DNAH14: variants seen among roughly 807,000 people sequenced by gnomAD.
DNAH14 encodes the protein axonemal beta dynein heavy chain 14.
In DNAH14, 478 loss-of-function variants were observed where a neutral mutation model predicts 520.9. That is an observed-to-expected ratio of 0.92 (90% CI 0.85 to 0.99). The LOEUF is 0.99. Among genes scored for constraint, DNAH14 ranks in the 50% least tolerant of loss-of-function variants. The pLI is 0.00. For missense variants in DNAH14, 4,831 were observed against 5,234.5 expected (o/e 0.92, Z 2.38); for synonymous variants, 1,581 against 1,757.2 (o/e 0.90, Z 2.51).
At chr1:225,344,706 T>TATTTA (rs2095260060) in intron 69 of DNAH14, among the ~76,000 whole-genome samples, 1 of 150,892 alleles carries the variant, frequency 6.6e-6, no homozygotes, top group East Asian at 1.9e-4. Flanking sequence ...TTTATTTATT[T>TATTTA]ATTTATTTAT....
At chr1:225,359,338 T>C (rs2095468204) in intron 74 of DNAH14, among the ~76,000 whole-genome samples, 1 of 152,208 alleles carries the variant, frequency 6.6e-6, no homozygotes, top group Non-Finnish European at 1.5e-5. Flanking sequence ...TATGTCTATG[T>C]CTATGCACGT....
chr1:224,957,533 A>G (rs2060591347), intron 3 of DNAH14, among the ~76,000 whole-genome samples: 1 of 152,130 alleles, frequency 6.6e-6, no homozygotes. Context: ...AACAGTAGCA[A>G]TTACGAGCCA....
chr1:225,086,194 G>A (rs2073769044), intron 21 of DNAH14, among the ~76,000 whole-genome samples: 1 of 151,800 alleles, frequency 6.6e-6, no homozygotes, highest in Admixed American at 6.6e-5. Context: ...GTGCAGTGGT[G>A]CTGTCTCGGC....
At position 225,307,466 on chromosome 1, in the gene DNAH14, G is replaced by A. The variant is rs112172758; in HGVS notation, c.9011G>A (p.Arg3004His). Residue 3004 changes from arginine (R) to histidine (H), a missense_variant, in exon 59 of 86, where the codon CGC (arginine) becomes CAC (histidine). Coordinates refer to ENST00000682510, the MANE Select transcript of DNAH14 (RefSeq NM_001367479.1). ...REEEMQTKRD[R>H]FHMGLSTILE... ...AATACTTTTTCTTCCTTCAGGGATC[G>A]CTTCCATATGGGTCTATCCACAATC... 72,136 of 1,529,014 alleles carry A rather than the reference G, an allele frequency of 0.047. 1,940 individuals are homozygous for A. Among genetic ancestry groups the A allele is most frequent in the South Asian group, 0.057 (4,492 of 79,002 alleles). 94.7% of individuals were successfully genotyped at this position (1,529,014 alleles called of 1,614,324 possible). A position where few individuals can be genotyped will look rare whatever the true frequency, so the allele number is the denominator to read the frequency against.
chr1:225,377,345 A>G lies in DNAH14; in HGVS notation c.12625A>G (p.Ile4209Val). ...GGTCTTAGGAATACACCCAGAGGCC[A>G]TCAGGAGCTGCTGGGAGACCCAGGG... ...PEVLGIHPEAIRSCWETQGEK... is the reference protein window; with the variant it reads ...PEVLGIHPEAVRSCWETQGEK... The change falls in exon 79 of 86, where the codon ATC becomes GTC. Residue 4209 changes from isoleucine to valine, a missense_variant. Ile to Val is a conservative substitution (Grantham distance 29). Transcript: ENST00000682510. 3.9e-6 allele frequency: 6 copies of G among 1,551,070 alleles called. 1 individual carries two copies. The South Asian group carries it at 4.8e-5, about 12-fold the overall frequency.
intron 15 of DNAH14, 33 bp downstream of exon 15, chr1:225,044,016 GTCT>G: frequency 7.9e-7 from 1 of 1,262,472 alleles, no homozygotes; most frequent in African/African-American, 1.5e-5. Context: ...GAAATGCATT[GTCT>G]TCTTTGGCAA....
intron 75 of DNAH14, among the ~76,000 whole-genome samples, chr1:225,363,558 C>T (rs998926249): frequency 2.0e-5 from 3 of 152,102 alleles, no homozygotes; most frequent in Admixed American, 6.5e-5. Flanking sequence ...ATAATAGTTC[C>T]TCAGTCTGCC....
intron 81 of DNAH14, among the ~76,000 whole-genome samples, chr1:225,385,010 C>T (rs569956012): frequency 6.6e-6 from 1 of 152,294 alleles, no homozygotes; most frequent in South Asian, 2.1e-4. Context: ...TCCAGTAGCA[C>T]ATCAAAAAGC....
Position 225,038,678 on chromosome 1 carries a change from C to A in DNAH14, c.1359-16C>A. The stretch of plus-strand genomic sequence containing the variant: ...TGATTTTTAAATGATTTTTTTCTTC[C>A]CATTTCTTAATCCAGAACATTCAAG... On this transcript the variant is annotated splice_polypyrimidine_tract_variant and intron_variant, in intron 11 of 85. Transcript: ENST00000682510. 6.6e-7 allele frequency: 1 copy of A among 1,508,994 alleles called. No homozygotes were observed. Among genetic ancestry groups the A allele is most frequent in the Non-Finnish European group, 8.8e-7 (1 of 1,133,628 alleles). The allele number at this position is 1,508,994 out of a possible 1,614,324, so 93.5% of individuals were successfully genotyped here. A position where few individuals can be genotyped will look rare whatever the true frequency, so the allele number is the denominator to read the frequency against.
chr1:224,980,260 T>G (rs2062166317), intron 8 of DNAH14, among the ~76,000 whole-genome samples: 1 of 152,174 alleles, frequency 6.6e-6, no homozygotes, highest in Non-Finnish European at 1.5e-5. Context: ...GAGAGCACAC[T>G]GCCCTGAAGG....
chr1:225,276,099 A>G lies in DNAH14; in HGVS notation c.8178+18A>G. ...CTTTGGAGGTAAACATATATACTAT[A>G]TAAAAATCTGAGGAGTGCTATATAT... On this transcript the variant is annotated intron_variant, in intron 53 of 85. Transcript: ENST00000682510. 1 of 246,368 alleles carries G rather than the reference A, an allele frequency of 4.1e-6. No homozygotes were observed. The highest frequency in any genetic ancestry group is 8.7e-6 in the Non-Finnish European group (1 of 115,542). The allele number at this position is 246,368 out of a possible 1,614,324, so 15.3% of individuals were successfully genotyped here.
In DNAH14 at chr1:225,346,182, G is replaced by A; in HGVS notation, c.10899G>A (p.Trp3633Ter). The A allele has an allele frequency of 6.4e-7, 1 of 1,551,554 alleles. No individual in the cohort carries two copies. The highest frequency in any genetic ancestry group is 8.7e-7 in the Non-Finnish European group (1 of 1,146,958). ...INYMYQFSLDWFHQVFVSSVV... is the reference protein window; with the variant it reads ...INYMYQFSLD ...ACATGTACCAGTTCTCCCTAGACTG[G>A]TTTCATCAGGTTTTTGTTTCATCAG... is the stretch of plus-strand genomic sequence containing the variant. Residue 3633 changes from tryptophan (W) to a stop codon, truncating the protein, a stop_gained, in exon 70 of 86, where the codon TGG (tryptophan) becomes TGA (stop). Transcript: ENST00000682510. LOFTEE classifies it high-confidence loss of function.
intron 69 of DNAH14, among the ~76,000 whole-genome samples, chr1:225,345,037 CTT>C (rs1052962798): frequency 3.5e-4 from 54 of 152,176 alleles, no homozygotes; most frequent in African/African-American, 1.2e-3. Flanking sequence ...CTTGTTGCCT[CTT>C]GTTTTCTCTT....
At chr1:225,249,765 C>A (rs1215358988) in intron 43 of DNAH14, among the ~76,000 whole-genome samples, 1 of 152,148 alleles carries the variant, frequency 6.6e-6, no homozygotes, top group African/African-American at 2.4e-5. Flanking sequence ...TATTCCCATC[C>A]CCAACCATCG....
chr1:225,377,079 A>G (rs1333292527), intron 78 of DNAH14, among the ~76,000 whole-genome samples, 158 bp from the exon 79 acceptor site: 1 of 152,152 alleles, frequency 6.6e-6, no homozygotes, highest in Admixed American at 6.5e-5. Flanking sequence ...TCTATAATAT[A>G]CCACATGCAA....
At chr1:224,996,044 G>T (rs1204570535) in intron 8 of DNAH14, among the ~76,000 whole-genome samples, 1 of 152,076 alleles carries the variant, frequency 6.6e-6, no homozygotes, top group Non-Finnish European at 1.5e-5. Context: ...CACTTCTTTA[G>T]GGCCAAGTGA....
intron 28 of DNAH14, among the ~76,000 whole-genome samples, chr1:225,143,508 A>G (rs2079634509): frequency 6.6e-6 from 1 of 152,170 alleles, no homozygotes; most frequent in Admixed American, 6.6e-5. Context: ...TCACAAGGAT[A>G]TACACACTAC....
At chr1:225,075,263 G>A (rs1488090491) in intron 17 of DNAH14, among the ~76,000 whole-genome samples, 5 of 152,056 alleles carry the variant, frequency 3.3e-5, no homozygotes, top group Non-Finnish European at 5.9e-5. Context: ...GTCACTCCTG[G>A]GTGGACCATT....
intron 8 of DNAH14, among the ~76,000 whole-genome samples, chr1:224,980,545 C>T (rs749367339): frequency 2.6e-5 from 4 of 152,200 alleles, no homozygotes; most frequent in Non-Finnish European, 4.4e-5. Context: ...CTATCCAGGG[C>T]CTGGGGGATC....
Sources: allele counts gnomAD v4.1 joint callset (sites outside exome capture counted in the v4.1 genomes callset), GRCh38; gene constraint gnomAD v4.1.1; transcripts MANE v1.5; gene names NCBI Gene and HGNC (gene_info 2026-07-23, HGNC 2026-07-21).